Variants in LRRC4C observed in about 807,000 individuals in gnomAD.
The protein encoded by LRRC4C is leucine rich repeat containing 4C, also known as leucine-rich repeat-containing protein 4C.
LRRC4C carries 5 observed loss-of-function variants against 33.6 expected under a neutral mutation model. That is an observed-to-expected ratio of 0.15 (90% CI 0.08 to 0.31). LRRC4C has a LOEUF of 0.31. Among genes scored for constraint, LRRC4C ranks in the 10% least tolerant of loss-of-function variants. The pLI, the probability that LRRC4C is intolerant of heterozygous loss-of-function variation, is 1.00. For synonymous variants in LRRC4C, 329 were observed against 302.0 expected, an observed-to-expected ratio of 1.09 and a Z score of -0.93; for missense variants, 560 against 796.7, an observed-to-expected ratio of 0.70 and a Z score of 3.58.
rs147276227 is a variant in LRRC4C at position 41,396,301 on chromosome 11, A to T, written c.-496+63130T>A. Reference sequence around the variant, plus strand: ...TGTGGTGCCACTTTCAAAAATAGGCATTGCTCAGGTTCTGTGTTAAATGTA... The same window carrying T: ...TGTGGTGCCACTTTCAAAAATAGGCTTTGCTCAGGTTCTGTGTTAAATGTA... On this transcript the variant is annotated intron_variant, in intron 1 of 6. Coordinates refer to ENST00000528697, the MANE Select transcript of LRRC4C (RefSeq NM_001258419.2). Among the ~76,000 whole-genome samples, 583 of 152,168 alleles carry T rather than the reference A, an allele frequency of 3.8e-3. 4 individuals carry two copies. The highest frequency in any genetic ancestry group is 0.031 in the Middle Eastern group (9 of 292).
intron 1 of LRRC4C, among the ~76,000 whole-genome samples, chr11:41,120,451 AT>A (rs1942364069): frequency 1.3e-5 from 2 of 152,054 alleles, no homozygotes; most frequent in African/African-American, 4.8e-5. Flanking sequence ...TATGGATTTC[AT>A]TGCTCCCTAT....
chr11:40,634,455 A>T (rs1963774941), intron 3 of LRRC4C, among the ~76,000 whole-genome samples: 1 of 152,160 alleles, frequency 6.6e-6, no homozygotes, highest in South Asian at 2.1e-4. Flanking sequence ...TCTATGAAAA[A>T]CTACCAGAAT....
intron 5 of LRRC4C, among the ~76,000 whole-genome samples, chr11:40,211,999 C>T (rs900739499): frequency 6.6e-6 from 1 of 152,120 alleles, no homozygotes; most frequent in Admixed American, 6.6e-5. Flanking sequence ...CTCCATGGGA[C>T]AGAATAAACC....
At position 41,254,278 on chromosome 11, in the gene LRRC4C, C is replaced by T. The variant is rs1222996155; in HGVS notation, c.-496+205153G>A. Among the ~76,000 whole-genome samples, 5 of 152,040 alleles carry T rather than the reference C, an allele frequency of 3.3e-5. No homozygotes were observed. The East Asian group carries it at 7.7e-4, about 23-fold the overall frequency. On this transcript the variant is annotated intron_variant, in intron 1 of 6. Transcript: ENST00000528697. ...CAAGAAACCCTTTTTCCAATAAATGCACACCAACCCATCACCTTCATTTTT... is the reference window on the plus strand; with the variant it reads ...CAAGAAACCCTTTTTCCAATAAATGTACACCAACCCATCACCTTCATTTTT...
intron 1 of LRRC4C, among the ~76,000 whole-genome samples, chr11:41,123,567 C>T (rs934065022): frequency 1.3e-5 from 2 of 151,946 alleles, no homozygotes; most frequent in African/African-American, 2.4e-5. Context: ...CCACCGCGCC[C>T]GGCCTTTTTT....
At chr11:40,487,565 T>C (rs896181983) in intron 3 of LRRC4C, among the ~76,000 whole-genome samples, 3 of 152,064 alleles carry the variant, frequency 2.0e-5, no homozygotes, top group African/African-American at 7.2e-5. Flanking sequence ...AAAAATTCCA[T>C]GATGCATTAC....
At chr11:41,340,106 G>A (rs570514989) in intron 1 of LRRC4C, among the ~76,000 whole-genome samples, 4 of 152,152 alleles carry the variant, frequency 2.6e-5, no homozygotes, top group East Asian at 3.9e-4. Flanking sequence ...TTTAATTCTC[G>A]TATTAATCCT....
intron 6 of LRRC4C, among the ~76,000 whole-genome samples, chr11:40,127,282 G>GCAAAGA (rs775381174): frequency 1.0e-3 from 146 of 141,280 alleles, no homozygotes; most frequent in African/African-American, 3.1e-3. Context: ...CTCAAAAAAA[G>GCAAAGA]CAAAAAAAAA....
intron 2 of LRRC4C, among the ~76,000 whole-genome samples, chr11:40,895,543 C>A (rs1955901558): frequency 6.6e-6 from 1 of 152,146 alleles, no homozygotes; most frequent in South Asian, 2.1e-4. Context: ...ACATCATCTT[C>A]TGTGCCTGCT....
chr11:40,368,197 G>T (rs1948297849), intron 3 of LRRC4C, among the ~76,000 whole-genome samples: 2 of 152,052 alleles, frequency 1.3e-5, no homozygotes, highest in Admixed American at 6.6e-5. Context: ...AGAAATGAAA[G>T]AAAAATATAG....
intron 3 of LRRC4C, among the ~76,000 whole-genome samples, chr11:40,448,811 G>C (rs558424453): frequency 6.6e-6 from 1 of 152,182 alleles, no homozygotes; most frequent in Non-Finnish European, 1.5e-5. Context: ...CTAGATCCTT[G>C]AGGAATTGCC....
intron 4 of LRRC4C, among the ~76,000 whole-genome samples, chr11:40,275,022 C>A (rs1942998915): frequency 6.6e-6 from 1 of 152,092 alleles, no homozygotes; most frequent in Admixed American, 6.6e-5. Flanking sequence ...CACACTTGTG[C>A]AATTATATCT....
chr11:41,103,084 A>G (rs1431793476), intron 1 of LRRC4C, among the ~76,000 whole-genome samples: 1 of 152,006 alleles, frequency 6.6e-6, no homozygotes, highest in East Asian at 1.9e-4. Context: ...ATAAATATGT[A>G]TACTCTACCA....
intron 2 of LRRC4C, among the ~76,000 whole-genome samples, chr11:40,691,784 C>A (rs1283179815): frequency 6.6e-6 from 1 of 152,104 alleles, no homozygotes; most frequent in African/African-American, 2.4e-5. Context: ...GTTATGCAGA[C>A]TCTTCCCAAA....
chr11:41,410,340 A>T (rs1297901224), intron 1 of LRRC4C, among the ~76,000 whole-genome samples: 2 of 152,030 alleles, frequency 1.3e-5, no homozygotes, highest in East Asian at 3.9e-4. Flanking sequence ...AAATGAGTAG[A>T]AGTATGTTTC....
At chr11:40,508,941 T>A (rs568519175) in intron 3 of LRRC4C, among the ~76,000 whole-genome samples, 1 of 151,978 alleles carries the variant, frequency 6.6e-6, no homozygotes, top group Admixed American at 6.6e-5. Flanking sequence ...GACAAAGCTT[T>A]AAAAAAAAGA....
At chr11:40,381,068 A>C (rs1247573501) in intron 3 of LRRC4C, among the ~76,000 whole-genome samples, 5 of 152,196 alleles carry the variant, frequency 3.3e-5, no homozygotes, top group African/African-American at 1.2e-4. Flanking sequence ...TCTTATGACT[A>C]TGGATGATTG....
At chr11:40,904,133 GT>G (rs1956321661) in intron 2 of LRRC4C, among the ~76,000 whole-genome samples, 2 of 151,990 alleles carry the variant, frequency 1.3e-5, no homozygotes, top group Non-Finnish European at 2.9e-5. Context: ...GTTTCTTTCT[GT>G]TTTTGTTTTT....
chr11:41,172,835 A>C (rs1945034093), intron 1 of LRRC4C, among the ~76,000 whole-genome samples: 1 of 152,168 alleles, frequency 6.6e-6, no homozygotes, highest in Non-Finnish European at 1.5e-5. Flanking sequence ...AGTCTAAGAA[A>C]ATTAAGAATT....
Sources: gnomAD v4.1 joint callset for allele counts (sites outside exome capture counted in the v4.1 genomes callset) on GRCh38, gnomAD v4.1.1 for gene constraint, MANE v1.5 for transcripts, NCBI Gene and HGNC (gene_info 2026-07-23, HGNC 2026-07-21) for gene names.